Variants in VPS13A observed in about 807,000 individuals in gnomAD.
The protein encoded by VPS13A is intermembrane lipid transfer protein VPS13A.
In VPS13A, 264 loss-of-function variants were observed where a neutral mutation model predicts 390.9. The observed-to-expected ratio is 0.68, with a 90% CI of 0.61 to 0.75. VPS13A has a LOEUF of 0.75. Among genes scored for constraint, VPS13A ranks in the 30% least tolerant of loss-of-function variants. The pLI is 0.00. For missense variants in VPS13A, 3,409 were observed against 3,733.9 expected (o/e 0.91, Z 2.27); for synonymous variants, 1,231 against 1,227.1 (o/e 1.00, Z -0.07).
intron 10 of VPS13A, among the ~76,000 whole-genome samples, chr9:77,215,853 G>T (rs930295776): frequency 6.6e-6 from 1 of 152,226 alleles, no homozygotes; most frequent in Non-Finnish European, 1.5e-5. Context: ...TACTTTTAGG[G>T]AGCCTCATGG....
At chr9:77,407,501 C>G in intron 70 of VPS13A, 32 bp from the exon 71 acceptor site, 3 of 1,565,528 alleles carry the variant, frequency 1.9e-6, no homozygotes, top group Non-Finnish European at 2.6e-6. Context: ...ACCAGATTAT[C>G]TTTTTAATGA....
chr9:77,243,282 G>T (rs892879816), intron 19 of VPS13A, among the ~76,000 whole-genome samples: 1 of 152,052 alleles, frequency 6.6e-6, no homozygotes, highest in Non-Finnish European at 1.5e-5. Context: ...TTACTTACTT[G>T]TTGAACATCC....
intron 7 of VPS13A, among the ~76,000 whole-genome samples, chr9:77,212,754 T>C (rs1407223898): frequency 6.6e-6 from 1 of 152,236 alleles, no homozygotes; most frequent in Non-Finnish European, 1.5e-5. Context: ...GGAAGTTGCC[T>C]GTTTCTTTGT....
At position 77,323,290 on chromosome 9, in the gene VPS13A, AAAC is replaced by A. The variant is rs879805944; in HGVS notation, c.5991+75_5991+77del. 1.7e-5 allele frequency: 27 copies of A among 1,548,634 alleles called. No individual in the cohort carries two copies. The Admixed American group carries it at 3.0e-4, about 17-fold the overall frequency. On this transcript the variant is annotated intron_variant, in intron 45 of 71. Transcript: ENST00000360280. Reference sequence around the variant, plus strand: ...CATATCTGTGTGCTAATAAAATTAAAAACAACAACAACAAATTATTACTGAAAG... The same window carrying A: ...CATATCTGTGTGCTAATAAAATTAAAAACAACAACAAATTATTACTGAAAG...
At chr9:77,405,739 A>C in intron 69 of VPS13A, 125 bp from the exon 70 acceptor site, 6 of 1,229,604 alleles carry the variant, frequency 4.9e-6, no homozygotes, top group South Asian at 2.6e-5. Flanking sequence ...TTCATTAAGA[A>C]TATAGAATAT....
At chr9:77,204,685 AGCATGAT>A (rs1825535234) in intron 3 of VPS13A, among the ~76,000 whole-genome samples, 1 of 152,112 alleles carries the variant, frequency 6.6e-6, no homozygotes, top group Non-Finnish European at 1.5e-5. Flanking sequence ...GGAGGGCAGT[AGCATGAT>A]CATGGCTCAC....
chr9:77,191,497 C>T (rs1824685299), intron 1 of VPS13A, among the ~76,000 whole-genome samples: 1 of 151,960 alleles, frequency 6.6e-6, no homozygotes, highest in African/African-American at 2.4e-5. Flanking sequence ...CAATGTTTCA[C>T]CATGTTGGCC....
Position 77,357,672 on chromosome 9 carries a change from T to TG in VPS13A, c.7807-14dup, listed in dbSNP as rs762118096. On this transcript the variant is annotated intron_variant, in intron 55 of 71. Transcript: ENST00000360280. ...TTATAGATAAATTAATTTTTTCATT[T>TG]GGGGGGACATATTTTTCAGGTTCGC... is the stretch of plus-strand genomic sequence containing the variant. 5 of 1,612,038 alleles carry TG rather than the reference T, an allele frequency of 3.1e-6. No homozygotes were observed. The highest frequency in any genetic ancestry group is 1.1e-5 in the South Asian group (1 of 90,794).
intron 33 of VPS13A, among the ~76,000 whole-genome samples, chr9:77,301,215 A>G (rs1828332434): frequency 6.6e-6 from 1 of 152,220 alleles, no homozygotes; most frequent in Non-Finnish European, 1.5e-5. Flanking sequence ...TATATAAAAT[A>G]CAAGTATTTA....
chr9:77,326,979 A>T (rs1830048175), intron 45 of VPS13A, among the ~76,000 whole-genome samples: 1 of 152,298 alleles, frequency 6.6e-6, no homozygotes. Context: ...CAAGTACAAC[A>T]TGCTGTGAAT....
At chr9:77,182,453 T>A (rs1215716608) in intron 1 of VPS13A, among the ~76,000 whole-genome samples, 3 of 152,068 alleles carry the variant, frequency 2.0e-5, no homozygotes, top group African/African-American at 4.8e-5. Flanking sequence ...GTGCTTATTA[T>A]GAATACAGAA....
At chr9:77,407,685 A>T (rs78052149) in intron 71 of VPS13A, 78 bp downstream of exon 71, 1 of 1,162,476 alleles carries the variant, frequency 8.6e-7, no homozygotes, top group African/African-American at 1.5e-5. Context: ...TTTAATGCAG[A>T]TAAGTTTTGT....
In VPS13A at chr9:77,219,373, T is replaced by G. The variant is rs79285582; in HGVS notation, c.755-581T>G. Reference sequence around the variant, plus strand: ...TGGATCTTTGTCTAGATTCTGCTATTACTGGTCTTCCTCTGAATTGTTCTT... The same window carrying G: ...TGGATCTTTGTCTAGATTCTGCTATGACTGGTCTTCCTCTGAATTGTTCTT... On this transcript the variant is annotated intron_variant, in intron 10 of 71. Coordinates refer to ENST00000360280, the MANE Select transcript of VPS13A (RefSeq NM_033305.3). Among the ~76,000 whole-genome samples the G allele has an allele frequency of 5.6e-3, 856 of 152,292 alleles. 8 individuals are homozygous for G. The highest frequency in any genetic ancestry group is 0.02 in the African/African-American group (828 of 41,566).
chr9:77,219,677 A>C (rs1409616934), intron 10 of VPS13A, among the ~76,000 whole-genome samples: 1 of 151,508 alleles, frequency 6.6e-6, no homozygotes, highest in African/African-American at 2.4e-5. Context: ...TTTTTTTCTT[A>C]AAATGTTTCT....
At chr9:77,297,394 T>C (rs1828074582) in intron 33 of VPS13A, among the ~76,000 whole-genome samples, 1 of 152,094 alleles carries the variant, frequency 6.6e-6, no homozygotes, top group African/African-American at 2.4e-5. Flanking sequence ...TCTGGGGCTT[T>C]CCTGGCCTTC....
intron 10 of VPS13A, among the ~76,000 whole-genome samples, chr9:77,215,799 A>C (rs965836594): frequency 6.6e-6 from 1 of 152,248 alleles, no homozygotes; most frequent in Non-Finnish European, 1.5e-5. Flanking sequence ...GTGCTGTGCC[A>C]GCAAAACCTG....
At chr9:77,415,716 A>G (rs1053096518) in intron 71 of VPS13A, among the ~76,000 whole-genome samples, 5 of 152,198 alleles carry the variant, frequency 3.3e-5, no homozygotes, top group African/African-American at 4.8e-5. Context: ...AATTCTGAAG[A>G]TGAACATCCA....
chr9:77,275,770 C>A, intron 25 of VPS13A, 118 bp downstream of exon 25: 2 of 1,223,834 alleles, frequency 1.6e-6, no homozygotes, highest in Non-Finnish European at 2.3e-6. Context: ...TAAAGTAATT[C>A]CAGACTTGCT....
At chr9:77,217,628 C>CA (rs376091774) in intron 10 of VPS13A, among the ~76,000 whole-genome samples, 33 of 152,034 alleles carry the variant, frequency 2.2e-4, no homozygotes, top group African/African-American at 7.5e-4. Flanking sequence ...CATGTTGCTG[C>CA]AAAAAATGTG....
Sources: gnomAD v4.1 joint callset for allele counts (sites outside exome capture counted in the v4.1 genomes callset) on GRCh38, gnomAD v4.1.1 for gene constraint, MANE v1.5 for transcripts, NCBI Gene and HGNC (gene_info 2026-07-23, HGNC 2026-07-21) for gene names.